The following FHIT variants were observed in gnomAD, a reference collection of about 807,000 sequenced individuals.
FHIT encodes bis(5'-adenosyl)-triphosphatase.
Under a neutral mutation model 17.9 loss-of-function variants are expected in FHIT, and 19 were observed. The observed-to-expected ratio is 1.06, with a 90% confidence interval of 0.74 to 1.56. FHIT has a LOEUF of 1.56. Among genes scored for constraint, FHIT ranks in the 40% most tolerant of loss-of-function variants. FHIT has a pLI of 0.00. For missense variants in FHIT, 248 were observed against 189.2 expected (o/e 1.31, Z -1.82); for synonymous variants, 81 against 69.7 (o/e 1.16, Z -0.81).
At chr3:59,810,865 G>C (rs765071944) in intron 8 of FHIT, among the ~76,000 whole-genome samples, 2 of 152,162 alleles carry the variant, frequency 1.3e-5, no homozygotes, top group Non-Finnish European at 2.9e-5. Context: ...GACTGAGTCA[G>C]GTTTTGAGCC....
intron 5 of FHIT, among the ~76,000 whole-genome samples, chr3:60,395,265 G>A (rs1256854392): frequency 1.3e-5 from 2 of 152,142 alleles, no homozygotes; most frequent in Non-Finnish European, 2.9e-5. Flanking sequence ...AGATACCACT[G>A]CCTGGACACT....
intron 5 of FHIT, among the ~76,000 whole-genome samples, chr3:60,067,348 GAATGAATA>G (rs562934468): frequency 0.013 from 1,823 of 139,172 alleles, 24 homozygotes; most frequent in Non-Finnish European, 0.019. Flanking sequence ...ATGAATGAAT[GAATGAATA>G]AGCACACATA....
chr3:60,068,501 A>G (rs761619690), intron 5 of FHIT, among the ~76,000 whole-genome samples: 1 of 152,222 alleles, frequency 6.6e-6, no homozygotes, highest in East Asian at 1.9e-4. Context: ...GCACTGTGCA[A>G]GTTCAGTGTG....
intron 5 of FHIT, among the ~76,000 whole-genome samples, chr3:60,322,903 A>G (rs1224441546): frequency 6.6e-6 from 1 of 152,214 alleles, no homozygotes; most frequent in Non-Finnish European, 1.5e-5. Flanking sequence ...AAAAAATACA[A>G]TGTTTAACTA....
chr3:60,819,777 C>G (rs1054366399), intron 4 of FHIT, among the ~76,000 whole-genome samples: 7 of 152,046 alleles, frequency 4.6e-5, no homozygotes, highest in Non-Finnish European at 8.8e-5. Context: ...ACTAAGAGCA[C>G]ACAGCAAACA....
intron 8 of FHIT, among the ~76,000 whole-genome samples, chr3:59,890,316 C>A (rs749284776): frequency 6.6e-6 from 1 of 152,062 alleles, no homozygotes; most frequent in Non-Finnish European, 1.5e-5. Flanking sequence ...CTACATTCCT[C>A]ATGTTAGAAT....
intron 4 of FHIT, among the ~76,000 whole-genome samples, chr3:60,702,034 T>A (rs1553702314): frequency 6.6e-6 from 1 of 152,292 alleles, no homozygotes; most frequent in Non-Finnish European, 1.5e-5. Context: ...GCTAATTTTT[T>A]GTATATTTTA....
At chr3:60,564,143 G>T (rs2037050547) in intron 4 of FHIT, among the ~76,000 whole-genome samples, 1 of 152,106 alleles carries the variant, frequency 6.6e-6, no homozygotes, top group Non-Finnish European at 1.5e-5. Context: ...CCTTAAGAAT[G>T]ATACTACATC....
At chr3:61,087,989 C>G (rs983996239) in intron 2 of FHIT, among the ~76,000 whole-genome samples, 2 of 152,106 alleles carry the variant, frequency 1.3e-5, no homozygotes, top group African/African-American at 2.4e-5. Flanking sequence ...TCTTAGAGAC[C>G]TCCCTCTAGA....
At chr3:59,918,804 C>T (rs1705264364) in intron 8 of FHIT, among the ~76,000 whole-genome samples, 1 of 152,138 alleles carries the variant, frequency 6.6e-6, no homozygotes, top group African/African-American at 2.4e-5. Flanking sequence ...AGCATTCAAA[C>T]TCATTAAAAA....
In FHIT at chr3:60,287,572, T is replaced by C. The variant is rs145890810; in HGVS notation, c.103+249288A>G. Among the ~76,000 whole-genome samples the C allele has an allele frequency of 2.0e-5, 3 of 152,356 alleles. No homozygotes were observed. In the East Asian group the frequency reaches 5.8e-4, roughly 29 times the overall value. On this transcript the variant is annotated intron_variant, in intron 5 of 9. Transcript: ENST00000492590. ...TTAGAACACTGTTTGAGACACATAT[T>C]AAGTGCTTAATAAATTTTACCTGGT...
chr3:60,350,756 C>T (rs150123165), intron 5 of FHIT, among the ~76,000 whole-genome samples: 8 of 152,152 alleles, frequency 5.3e-5, no homozygotes, highest in African/African-American at 1.9e-4. Context: ...ATCCAGCCCC[C>T]TGTATTCATG....
At chr3:60,385,830 A>G (rs1230746298) in intron 5 of FHIT, among the ~76,000 whole-genome samples, 2 of 152,092 alleles carry the variant, frequency 1.3e-5, no homozygotes, top group Non-Finnish European at 2.9e-5. Context: ...CTCCTGCCTC[A>G]GCCTCCCCAA....
At chr3:60,542,061 A>G (rs929328614) in intron 4 of FHIT, among the ~76,000 whole-genome samples, 1 of 152,228 alleles carries the variant, frequency 6.6e-6, no homozygotes, top group African/African-American at 2.4e-5. Context: ...GTTTGTGTAC[A>G]TACATTTTTT....
chr3:60,105,967 A>C (rs1013911691), intron 5 of FHIT, among the ~76,000 whole-genome samples: 11 of 152,160 alleles, frequency 7.2e-5, no homozygotes, highest in African/African-American at 2.4e-4. Flanking sequence ...AAAAATATTA[A>C]ATGGAAAATC....
chr3:60,869,270 T>C (rs959194375), intron 3 of FHIT, among the ~76,000 whole-genome samples: 5 of 152,176 alleles, frequency 3.3e-5, no homozygotes, highest in African/African-American at 1.2e-4. Context: ...AGTAAGTCTC[T>C]TCAGTTCTAA....
chr3:60,655,507 G>A lies in FHIT; in HGVS notation c.-17-118528C>T, dbSNP rs527707111. 5.3e-5 allele frequency among the ~76,000 whole-genome samples: 8 copies of A among 152,192 alleles called. No individual in the cohort carries two copies. The South Asian group carries it at 1.0e-3, about 20-fold the overall frequency. ...CGAGGAGAGAGCAAATGCAGTGTACGGAAATGAGACACATCATTTTATCTC... is the reference window on the plus strand; with the variant it reads ...CGAGGAGAGAGCAAATGCAGTGTACAGAAATGAGACACATCATTTTATCTC... On this transcript the variant is annotated intron_variant, in intron 4 of 9. Coordinates refer to ENST00000492590, the MANE Select transcript of FHIT (RefSeq NM_002012.4).
chr3:60,272,697 A>G (rs995733489), intron 5 of FHIT, among the ~76,000 whole-genome samples: 2 of 152,222 alleles, frequency 1.3e-5, no homozygotes, highest in Admixed American at 1.3e-4. Flanking sequence ...GAAATGTTAG[A>G]ACTGTAATCC....
intron 4 of FHIT, among the ~76,000 whole-genome samples, chr3:60,799,381 T>C (rs1575540171): frequency 6.6e-6 from 1 of 152,106 alleles, no homozygotes; most frequent in Non-Finnish European, 1.5e-5. Flanking sequence ...TCCATGTTGG[T>C]CAGGCTGGTC....
Sources: gnomAD v4.1 joint callset for allele counts (sites outside exome capture counted in the v4.1 genomes callset) on GRCh38, gnomAD v4.1.1 for gene constraint, MANE v1.5 for transcripts, NCBI Gene and HGNC (gene_info 2026-07-23, HGNC 2026-07-21) for gene names.